The following DCTN1 variants were observed in gnomAD, a reference collection of about 807,000 sequenced individuals.
DCTN1 encodes dynactin subunit 1.
DCTN1 carries 61 observed loss-of-function variants against 161.2 expected under a neutral mutation model. The observed-to-expected ratio is 0.38, with a 90% CI of 0.31 to 0.47. DCTN1 has a LOEUF of 0.47. Ranked by LOEUF, DCTN1 falls within the 20% of genes least tolerant of loss-of-function variation. The probability of loss-of-function intolerance (pLI) is 0.99; values close to 1 mark genes in which losing one functional copy is unlikely to be tolerated. For synonymous variants in DCTN1, 653 were observed against 632.4 expected (o/e 1.03, Z -0.49); for missense variants, 1,404 against 1,623.7 (o/e 0.86, Z 2.33).
rs752399708 is a variant in DCTN1, at chr2:74,378,157, C to T, written c.122G>A (p.Arg41Gln). The T allele has an allele frequency of 2.8e-5, 45 of 1,614,088 alleles. No individual in the cohort carries two copies. Among genetic ancestry groups the T allele is most frequent in the Admixed American group, 1.3e-4 (8 of 60,014 alleles). The change falls in exon 2 of 32, where the codon CGA becomes CAA. Residue 41 changes from arginine (R) to glutamine (Q), a missense_variant. Arg to Gln is a conservative substitution (Grantham distance 43). Transcript: ENST00000628224. ...GGCTCCAACATAGGCCACAGTGCCT[C>T]GGTGGCCTTTTCCAATCACCTCTAC... is the stretch of plus-strand genomic sequence containing the variant. ...SRVEVIGKGH[R>Q]GTVAYVGATL... is the part of the protein sequence containing the mutation.
chr2:74,387,120 T>C (rs1675767015), intron 1 of DCTN1: 1 of 152,276 alleles, frequency 6.6e-6, no homozygotes, highest in Non-Finnish European at 1.5e-5. Flanking sequence ...GCTCACACTT[T>C]AAAAGAGCCC....
Position 74,377,674 on chromosome 2 carries a change from G to C in DCTN1, c.332C>G (p.Ser111Cys), listed in dbSNP as rs374419252. Residue 111 changes from serine to cysteine, a missense_variant, in exon 3 of 32, where the codon TCT (serine) becomes TGT (cysteine). By Grantham distance (112) the Ser-to-Cys change is moderately radical. This residue lies in a region of DCTN1 where 174 missense variants were observed against 175.6 expected (regional missense o/e 0.99). Transcript: ENST00000628224. ...TCTTTTGAGGACTTTTGAAGCAGAA[G>C]AATCAGGTGTCTCTGGGGAAGTAGT... ...ADTTSPETPD[S>C]SASKVLKREG... is the part of the protein sequence containing the mutation. 2.0e-5 allele frequency: 33 copies of C among 1,614,048 alleles called. No homozygotes were observed. The highest frequency in any genetic ancestry group is 2.6e-5 in the Non-Finnish European group (31 of 1,180,008).
At chr2:74,382,920 A>C (rs1675574421), upstream of DCTN1, among the ~76,000 whole-genome samples, 1 of 151,244 alleles carries the variant, frequency 6.6e-6, no homozygotes, top group African/African-American at 2.4e-5. Context: ...AAAATACAAA[A>C]AAAAATTAGC....
At chr2:74,389,698 A>G (rs1449015653) in intron 1 of DCTN1, among the ~76,000 whole-genome samples, 1 of 152,196 alleles carries the variant, frequency 6.6e-6, no homozygotes, top group Non-Finnish European at 1.5e-5. Context: ...TTTGAAAATT[A>G]AGGCAAATCA....
intron 21 of DCTN1, 31 bp from the exon 22 acceptor site, chr2:74,366,651 C>G (rs1228593409): frequency 6.2e-7 from 1 of 1,613,090 alleles, no homozygotes; most frequent in East Asian, 2.2e-5. Flanking sequence ...AGGAGTCAAC[C>G]CTGGGTTCAG....
In DCTN1 at chr2:74,367,229, T is replaced by C. The variant is rs1674487927; in HGVS notation, c.2254-122A>G. The C allele has an allele frequency of 3.3e-6, 5 of 1,528,148 alleles. No individual in the cohort carries two copies. The South Asian group carries it at 5.7e-5, about 18-fold the overall frequency. The allele number at this position is 1,528,148 out of a possible 1,614,324, so 94.7% of individuals were successfully genotyped here. A position where few individuals can be genotyped will look rare whatever the true frequency, so the allele number is the denominator to read the frequency against. On this transcript the variant is annotated intron_variant, in intron 19 of 31. Transcript: ENST00000628224. The stretch of plus-strand genomic sequence containing the variant: ...ACATAAGTAGGTCCTCTAGTTTCCC[T>C]GATATGGCTTTGGTAACTCTGCCCT...
intron 5 of DCTN1, chr2:74,374,715 C>T: frequency 8.4e-7 from 1 of 1,184,136 alleles, no homozygotes; most frequent in Non-Finnish European, 1.1e-6. Context: ...CCCTCCTCTG[C>T]TCCATGGGGG....
intron 1 of DCTN1, among the ~76,000 whole-genome samples, chr2:74,387,471 AAC>A (rs970368977): frequency 1.3e-5 from 2 of 152,158 alleles, no homozygotes; most frequent in African/African-American, 4.8e-5. Flanking sequence ...TATGACCCAA[AAC>A]ACACTTGGTA....
At position 74,363,119 on chromosome 2, in the gene DCTN1, G is replaced by T; in HGVS notation, c.3404C>A (p.Ser1135Tyr). 3 of 1,614,020 alleles carry T rather than the reference G, an allele frequency of 1.9e-6. No individual in the cohort carries two copies. The highest frequency in any genetic ancestry group is 2.5e-6 in the Non-Finnish European group (3 of 1,179,938). The change falls in exon 29 of 32, where the codon TCC becomes TAC. Residue 1135 changes from serine (S) to tyrosine (Y), a missense_variant. This residue lies in a region of DCTN1 where 311 missense variants were observed against 298.9 expected (regional missense o/e 1.04). Transcript: ENST00000628224. ...SLPPLHVAKL[S>Y]HEGPGSELPA... ...TAACTCACTGCCAGGGCCCTCATGG[G>T]ATAGCTTTGCAACATGCAGAGGGGG...
chr2:74,382,442 A>C (rs1675550712), upstream of DCTN1, among the ~76,000 whole-genome samples: 1 of 151,926 alleles, frequency 6.6e-6, no homozygotes, highest in South Asian at 2.1e-4. Context: ...TCTACTAAAA[A>C]TACAAAAATG....
chr2:74,381,097 A>G (rs1675490968), upstream of DCTN1, among the ~76,000 whole-genome samples: 7 of 152,348 alleles, frequency 4.6e-5, no homozygotes, highest in African/African-American at 1.7e-4. Context: ...ACCATGTATT[A>G]CTTTTATAAT....
At position 74,370,248 on chromosome 2, in the gene DCTN1, G is replaced by A. The variant is rs150368544; in HGVS notation, c.1225C>T (p.Arg409Trp). ...NQELEVVRQQ[R>W]ERLQEELSQA... is the part of the protein sequence containing the mutation. ...CTTAGCTCCTCCTGCAGACGCTCCC[G>A]CTGTTGCCTCACAACTTCCAGCTCT... Residue 409 changes from arginine to tryptophan, a missense_variant, in exon 12 of 32, where the codon CGG becomes TGG. Physicochemically the swap from Arg to Trp is moderately radical, Grantham distance 101. Coordinates refer to ENST00000628224, the MANE Select transcript of DCTN1 (RefSeq NM_004082.5). This position sits in a 1 kb window ranked among gnomAD's most constrained non-coding sequence, Gnocchi z 4.4. 30 of 1,613,980 alleles carry A rather than the reference G, an allele frequency of 1.9e-5. No individual in the cohort carries two copies. In the Admixed American group the frequency reaches 2.2e-4, roughly 12 times the overall value.
chr2:74,391,788 C>T, intron 1 of DCTN1: 1 of 453,786 alleles, frequency 2.2e-6, no homozygotes, highest in South Asian at 1.6e-5. Flanking sequence ...AGTCGCGCCT[C>T]CGTACCTGCA....
chr2:74,371,195 A>G lies in DCTN1; in HGVS notation c.646-19T>C, dbSNP rs771441685. On this transcript the variant is annotated intron_variant, in intron 8 of 31. Transcript: ENST00000628224. ...CCTCCTCCTGCAAAGGAGAGGCCTC[A>G]CGGTCTGTGCACAGCCCACTCCTCC... The G allele has an allele frequency of 2.5e-6, 4 of 1,612,086 alleles. No individual in the cohort carries two copies. In the Admixed American group the frequency reaches 5.0e-5, roughly 20 times the overall value.
chr2:74,390,633 C>T, intron 1 of DCTN1: 1 of 468,686 alleles, frequency 2.1e-6, no homozygotes, highest in Non-Finnish European at 4.4e-6. Flanking sequence ...CACATCTGTT[C>T]TGGAAAACAT....
In DCTN1 at chr2:74,380,068, A is replaced by C. The variant is rs747185341; in HGVS notation, c.-31T>G. On this transcript the variant is annotated 5_prime_UTR_variant, in exon 1 of 32. Transcript: ENST00000628224. ...TCACCCGGCCTCTACCCCCTCCCCC[A>C]GCTGGCCAAAGACAGAGAGAAAAGG... is the stretch of plus-strand genomic sequence containing the variant. 22 of 1,613,388 alleles carry C rather than the reference A, an allele frequency of 1.4e-5. No homozygotes were observed. The highest frequency in any genetic ancestry group is 4.0e-5 in the African/African-American group (3 of 74,840).
intron 7 of DCTN1, among the ~76,000 whole-genome samples, chr2:74,372,200 A>G (rs1195891950): frequency 6.6e-6 from 1 of 152,148 alleles, no homozygotes; most frequent in Non-Finnish European, 1.5e-5. Flanking sequence ...TTTCCACAGA[A>G]GGTTGGGCCA....
At chr2:74,365,475 G>A in intron 25 of DCTN1, 40 bp downstream of exon 25, 1 of 1,614,004 alleles carries the variant, frequency 6.2e-7, no homozygotes, top group South Asian at 1.1e-5. Context: ...CCAGCAGTGG[G>A]AGGATTAGAG....
intron 18 of DCTN1, 42 bp from the exon 19 acceptor site, chr2:74,367,462 C>T (rs751244918): frequency 2.5e-5 from 40 of 1,608,572 alleles, no homozygotes; most frequent in Middle Eastern, 3.3e-4. Flanking sequence ...GGCCCTGGAG[C>T]GGGTGGGGAG....
Sources: gnomAD v4.1 joint callset for allele counts (sites outside exome capture counted in the v4.1 genomes callset) on GRCh38, gnomAD v4.1.1 for gene constraint, gnomAD v4.1.1 regional missense constraint, Gnocchi (gnomAD v3.1) non-coding constraint, MANE v1.5 for transcripts, NCBI Gene and HGNC (gene_info 2026-07-23, HGNC 2026-07-21) for gene names.